The following VTI1A variants were observed in gnomAD, a reference collection of about 807,000 sequenced individuals.
VTI1A encodes vesicle transport through interaction with t-SNAREs 1A, also known as vesicle transport through interaction with t-SNAREs homolog 1A.
VTI1A carries 22 observed loss-of-function variants against 34.9 expected under a neutral mutation model. The observed-to-expected ratio is 0.63, with a 90% CI of 0.45 to 0.90. VTI1A has a LOEUF of 0.90. Among genes scored for constraint, VTI1A ranks in the 40% least tolerant of loss-of-function variants. The probability of loss-of-function intolerance (pLI) is 0.00; values close to 1 mark genes in which losing one functional copy is unlikely to be tolerated. For missense variants in VTI1A, 268 were observed against 275.6 expected (o/e 0.97, Z 0.20); for synonymous variants, 87 against 97.3 (o/e 0.89, Z 0.62).
Position 112,815,820 on chromosome 10 carries a change from A to G in VTI1A, c.*437A>G, listed in dbSNP as rs1853505782. On this transcript the variant is annotated 3_prime_UTR_variant, in exon 8 of 8. Transcript: ENST00000393077. ...TGAGGATAAAAATGCAGCAAAAAGC[A>G]GGGGATGGAGTCAGTGACCCCGTCC... The G allele has an allele frequency of 3.9e-6, 1 of 258,174 alleles. No homozygotes were observed. Among genetic ancestry groups the G allele is most frequent in the Non-Finnish European group, 7.5e-6 (1 of 133,280 alleles). The allele number at this position is 258,174 out of a possible 1,614,324, so 16.0% of individuals were successfully genotyped here. A position where few individuals can be genotyped will look rare whatever the true frequency, so the allele number is the denominator to read the frequency against.
chr10:112,787,380 A>G (rs1334979145), intron 7 of VTI1A, among the ~76,000 whole-genome samples: 1 of 151,572 alleles, frequency 6.6e-6, no homozygotes, highest in South Asian at 2.1e-4. Context: ...ATTATTTTCT[A>G]CTTTCTATTG....
chr10:112,843,888 T>A, the VTI1A span, among the ~76,000 whole-genome samples: 9 of 152,030 alleles, frequency 5.9e-5, no homozygotes, highest in African/African-American at 2.2e-4. Flanking sequence ...CCCCACCCCA[T>A]CTCCAGTTAA....
At chr10:112,694,366 A>T (rs2133886219) in intron 7 of VTI1A, among the ~76,000 whole-genome samples, 1 of 151,588 alleles carries the variant, frequency 6.6e-6, no homozygotes, top group South Asian at 2.1e-4. Flanking sequence ...AAGTATTTGG[A>T]TGGATGGATG....
Position 112,481,646 on chromosome 10 carries a change from G to A in VTI1A, c.264+16989G>A, listed in dbSNP as rs1848460258. Among the ~76,000 whole-genome samples, 7 of 152,030 alleles carry A rather than the reference G, an allele frequency of 4.6e-5. No homozygotes were observed. In the South Asian group the frequency reaches 1.4e-3, roughly 31 times the overall value. ...GTAAGGCTGATTTTAACTTAATTTT[G>A]TACAAGAATTGTCAAGAAATTGCTA... On this transcript the variant is annotated intron_variant, in intron 3 of 7. Transcript: ENST00000393077.
At chr10:112,530,147 T>A (rs1369651111) in intron 4 of VTI1A, among the ~76,000 whole-genome samples, 1 of 152,158 alleles carries the variant, frequency 6.6e-6, no homozygotes, top group Non-Finnish European at 1.5e-5. Flanking sequence ...CATTTCTGAT[T>A]CATATTCATT....
chr10:112,732,371 T>C (rs1054845117), intron 7 of VTI1A, among the ~76,000 whole-genome samples: 3 of 152,236 alleles, frequency 2.0e-5, no homozygotes, highest in Non-Finnish European at 2.9e-5. Flanking sequence ...CATGTGACCA[T>C]GCAAATTTGA....
chr10:112,721,886 A>G (rs1188509180), intron 7 of VTI1A, among the ~76,000 whole-genome samples: 25 of 152,166 alleles, frequency 1.6e-4, no homozygotes, highest in Admixed American at 1.6e-3. Context: ...GGGCTGACTG[A>G]CCATCTGGAA....
chr10:112,726,736 A>G (rs1272912230), intron 7 of VTI1A, among the ~76,000 whole-genome samples: 1 of 152,226 alleles, frequency 6.6e-6, no homozygotes, highest in East Asian at 1.9e-4. Context: ...ATGGGCTTCA[A>G]GGAGCTCAGG....
intron 7 of VTI1A, among the ~76,000 whole-genome samples, chr10:112,787,241 A>T (rs1198762571): frequency 6.6e-6 from 1 of 152,014 alleles, no homozygotes; most frequent in African/African-American, 2.4e-5. Context: ...TTAAGTAGTG[A>T]TGTTCTTCTT....
rs1853500649 is a variant in VTI1A at position 112,815,721 on chromosome 10, G to A, written c.*338G>A. The A allele has an allele frequency of 3.3e-6, 1 of 299,920 alleles. No individual in the cohort carries two copies. The highest frequency in any genetic ancestry group is 6.3e-6 in the Non-Finnish European group (1 of 158,922). The allele number at this position is 299,920 out of a possible 1,614,324, so 18.6% of individuals were successfully genotyped here. A position where few individuals can be genotyped will look rare whatever the true frequency, so the allele number is the denominator to read the frequency against. ...TGTCAAGGGCCGTGGTTTGGGAGAGGACATGATGAGTCAGTCACGAGAGCT... is the reference window on the plus strand; with the variant it reads ...TGTCAAGGGCCGTGGTTTGGGAGAGAACATGATGAGTCAGTCACGAGAGCT... On this transcript the variant is annotated 3_prime_UTR_variant, in exon 8 of 8. Coordinates refer to ENST00000393077, the MANE Select transcript of VTI1A (RefSeq NM_145206.4).
chr10:112,752,588 A>G lies in VTI1A; in HGVS notation c.561-62702A>G, dbSNP rs541410651. 1.2e-5 allele frequency: 12 copies of G among 985,364 alleles called. No individual in the cohort carries two copies. In the African/African-American group the frequency reaches 1.7e-4, roughly 14 times the overall value. 61.0% of individuals were successfully genotyped at this position (985,364 alleles called of 1,614,324 possible). A position where few individuals can be genotyped will look rare whatever the true frequency, so the allele number is the denominator to read the frequency against. On this transcript the variant is annotated intron_variant, in intron 7 of 7. Coordinates refer to ENST00000393077, the MANE Select transcript of VTI1A (RefSeq NM_145206.4). ...TTTGGAAAAACGCCCACTTAATAAA[A>G]TGTATTTTCTTTCTGCTGTGGCTGC...
chr10:112,847,787 C>T, the VTI1A span, among the ~76,000 whole-genome samples: 10 of 152,192 alleles, frequency 6.6e-5, no homozygotes, highest in Non-Finnish European at 1.5e-4. Flanking sequence ...TTCTCTCTTA[C>T]AAACCCTATG....
chr10:112,607,380 T>C (rs897536641), intron 5 of VTI1A, among the ~76,000 whole-genome samples: 2 of 152,052 alleles, frequency 1.3e-5, no homozygotes, highest in Non-Finnish European at 2.9e-5. Flanking sequence ...AGAGCAGTTA[T>C]ACTTCCCCTG....
chr10:112,727,676 G>A (rs1355140495), intron 7 of VTI1A, among the ~76,000 whole-genome samples: 1 of 152,064 alleles, frequency 6.6e-6, no homozygotes, highest in Non-Finnish European at 1.5e-5. Flanking sequence ...TTACAGGGCA[G>A]AAAAACTAGA....
chr10:112,808,624 C>CAAA (rs760656671), intron 7 of VTI1A, among the ~76,000 whole-genome samples: 2 of 59,574 alleles, frequency 3.4e-5, no homozygotes, highest in Non-Finnish European at 6.7e-5. Flanking sequence ...GACTCCATCT[C>CAAA]AAAAAAAAAA....
intron 3 of VTI1A, among the ~76,000 whole-genome samples, chr10:112,501,612 T>C (rs1207470707): frequency 1.3e-5 from 2 of 152,166 alleles, no homozygotes; most frequent in African/African-American, 4.8e-5. Flanking sequence ...GTAATTTAGC[T>C]ACTAATTGGA....
At chr10:112,627,686 G>C (rs559090021) in intron 5 of VTI1A, among the ~76,000 whole-genome samples, 4 of 152,074 alleles carry the variant, frequency 2.6e-5, no homozygotes, top group Non-Finnish European at 5.9e-5. Flanking sequence ...TTTATAATGA[G>C]ATTATTTATT....
intron 5 of VTI1A, among the ~76,000 whole-genome samples, chr10:112,614,296 G>C (rs954605859): frequency 1.3e-5 from 2 of 152,200 alleles, no homozygotes; most frequent in African/African-American, 2.4e-5. Context: ...TCTTCACAAC[G>C]TGTTGTTTAC....
At chr10:112,640,528 C>T (rs900162419) in intron 5 of VTI1A, among the ~76,000 whole-genome samples, 3 of 151,342 alleles carry the variant, frequency 2.0e-5, no homozygotes, top group Admixed American at 2.0e-4. Context: ...AGGATCTCAA[C>T]AATCTGGGAA....
Sources: allele counts gnomAD v4.1 joint callset (sites outside exome capture counted in the v4.1 genomes callset), GRCh38; gene constraint gnomAD v4.1.1; transcripts MANE v1.5; gene names NCBI Gene and HGNC (gene_info 2026-07-23, HGNC 2026-07-21).